Variants in TMEM229B observed in about 807,000 individuals in gnomAD.
TMEM229B encodes chromosome 14 open reading frame 83.
In TMEM229B, 6 loss-of-function variants were observed where a neutral mutation model predicts 13.7. The observed-to-expected ratio is 0.44, with a 90% CI of 0.24 to 0.86. The LOEUF (loss-of-function observed/expected upper bound fraction) is 0.86. TMEM229B is among the 40% of genes least tolerant of loss of function. The pLI, the probability that TMEM229B is intolerant of heterozygous loss-of-function variation, is 0.23. For synonymous variants in TMEM229B, 107 were observed against 102.1 expected, an observed-to-expected ratio of 1.05 and a Z score of -0.29; for missense variants, 170 against 236.0, an observed-to-expected ratio of 0.72 and a Z score of 1.83.
intron 2 of TMEM229B, among the ~76,000 whole-genome samples, chr14:67,479,762 G>A (rs572627442): frequency 1.2e-4 from 19 of 152,290 alleles, no homozygotes; most frequent in South Asian, 8.3e-4. Flanking sequence ...TGTATTCACC[G>A]TATTCATACC....
chr14:67,486,482 C>T lies in TMEM229B; in HGVS notation c.-19+518G>A, dbSNP rs796246695. Among the ~76,000 whole-genome samples the T allele has an allele frequency of 6.6e-5, 10 of 152,298 alleles. No homozygotes were observed. In the South Asian group the frequency reaches 1.9e-3, roughly 28 times the overall value. ...TACAGATGGGGTTTCACCATGTTGG[C>T]CAGGATGGTCTCAATCTGTTGACCT... On this transcript the variant is annotated intron_variant, in intron 2 of 2. Transcript: ENST00000554480.
intron 2 of TMEM229B, among the ~76,000 whole-genome samples, chr14:67,477,839 C>G (rs570719954): frequency 6.6e-6 from 1 of 152,166 alleles, no homozygotes; most frequent in African/African-American, 2.4e-5. Flanking sequence ...ACCCCCACCC[C>G]AATTAATGGC....
At chr14:67,524,762 G>A (rs2033342397) in intron 1 of TMEM229B, among the ~76,000 whole-genome samples, 1 of 152,188 alleles carries the variant, frequency 6.6e-6, no homozygotes, top group Admixed American at 6.5e-5. Flanking sequence ...TGCTGTTGTG[G>A]TCACAGTGTA....
chr14:67,521,963 T>A (rs1055958457), intron 1 of TMEM229B, among the ~76,000 whole-genome samples: 1 of 151,884 alleles, frequency 6.6e-6, no homozygotes, highest in Admixed American at 6.6e-5. Flanking sequence ...GATCACGAGG[T>A]CAAGAGTTCA....
intron 1 of TMEM229B, among the ~76,000 whole-genome samples, chr14:67,503,946 C>A (rs2032714883): frequency 6.6e-6 from 1 of 152,034 alleles, no homozygotes; most frequent in Non-Finnish European, 1.5e-5. Flanking sequence ...TCGTGATCTG[C>A]CTGCCTCAGC....
upstream of TMEM229B, among the ~76,000 whole-genome samples, chr14:67,519,113 C>T (rs2033251756): frequency 6.6e-6 from 1 of 152,074 alleles, no homozygotes; most frequent in Non-Finnish European, 1.5e-5. Context: ...AATATGCCAG[C>T]ATTTGAAAAT....
chr14:67,474,188 G>T (rs373613669), intron 2 of TMEM229B, among the ~76,000 whole-genome samples: 44 of 152,114 alleles, frequency 2.9e-4, no homozygotes, highest in Admixed American at 7.2e-4. Flanking sequence ...CAAGGCAGAG[G>T]TTGGAGTGAG....
intron 1 of TMEM229B, among the ~76,000 whole-genome samples, chr14:67,504,044 C>G (rs1427350812): frequency 1.7e-5 from 2 of 116,934 alleles, no homozygotes; most frequent in Non-Finnish European, 3.6e-5. Context: ...GACAGGATCT[C>G]GCTCTGTCAC....
chr14:67,513,517 C>A (rs557494844), intron 1 of TMEM229B, among the ~76,000 whole-genome samples: 1 of 152,224 alleles, frequency 6.6e-6, no homozygotes, highest in Non-Finnish European at 1.5e-5. Context: ...GTTGTCCCCA[C>A]CCAACGCCTG....
chr14:67,516,205 C>T (rs1322716693), upstream of TMEM229B, among the ~76,000 whole-genome samples: 1 of 152,176 alleles, frequency 6.6e-6, no homozygotes, highest in Non-Finnish European at 1.5e-5. Flanking sequence ...ATTCGCACGC[C>T]AAGCCTAGGT....
exon 1 of TMEM229B, chr14:67,515,407 CCGGCGGCGGCGG>C (rs552146261): frequency 1.2e-4 from 22 of 178,880 alleles, no homozygotes; most frequent in Middle Eastern, 2.6e-3. Context: ...AAAGGAGCCC[CCGGCGGCGGCGG>C]CGGCGGCGGC....
At chr14:67,490,027 C>G (rs1369605406), upstream of TMEM229B, among the ~76,000 whole-genome samples, 1 of 152,164 alleles carries the variant, frequency 6.6e-6, no homozygotes, top group Non-Finnish European at 1.5e-5. Flanking sequence ...TGTCTGTTTC[C>G]CCCACCACGC....
At chr14:67,475,161 C>A (rs866364114) in intron 2 of TMEM229B, among the ~76,000 whole-genome samples, 1 of 152,198 alleles carries the variant, frequency 6.6e-6, no homozygotes, top group African/African-American at 2.4e-5. Context: ...GTGATCCGCC[C>A]GCCTTGGCCT....
chr14:67,532,069 C>G (rs751393500), intron 1 of TMEM229B, among the ~76,000 whole-genome samples: 2 of 152,158 alleles, frequency 1.3e-5, no homozygotes, highest in Non-Finnish European at 2.9e-5. Context: ...CCAATCCCCA[C>G]GAGCTATAAA....
At chr14:67,494,553 A>G (rs1426578104) in intron 1 of TMEM229B, among the ~76,000 whole-genome samples, 1 of 152,244 alleles carries the variant, frequency 6.6e-6, no homozygotes, top group East Asian at 1.9e-4. Flanking sequence ...TGGAGCAGCC[A>G]GGCCAATCGG....
intron 2 of TMEM229B, among the ~76,000 whole-genome samples, chr14:67,475,511 A>G (rs114206181): frequency 0.014 from 2,128 of 152,272 alleles, 49 homozygotes; most frequent in African/African-American, 0.049. Flanking sequence ...CCCATCAGCA[A>G]TGTACAAGGG....
chr14:67,509,220 C>T (rs2032943717), intron 1 of TMEM229B, among the ~76,000 whole-genome samples: 1 of 152,202 alleles, frequency 6.6e-6, no homozygotes, highest in Non-Finnish European at 1.5e-5. Flanking sequence ...CTGCAGGGTA[C>T]AGACCTCTCC....
At position 67,473,668 on chromosome 14, in the gene TMEM229B, G is replaced by T; in HGVS notation, c.256C>A (p.Leu86Met). 6.3e-7 allele frequency: 1 copy of T among 1,580,942 alleles called. No homozygotes were observed. Among genetic ancestry groups the T allele is most frequent in the South Asian group, 1.1e-5 (1 of 87,154 alleles). The change falls in exon 3 of 3, where the codon CTG becomes ATG. Residue 86 changes from leucine to methionine, a missense_variant. By Grantham distance (15) the Leu-to-Met change is conservative. Transcript: ENST00000554480. This position sits in a 1 kb window ranked among gnomAD's most constrained non-coding sequence, Gnocchi z 6.5. ...ATGAAGCCGGTGGTGAACTCCCACA[G>T]GTAGGTCCAGAGCGTGTAGATGAGG... ...RCLIYTLWTY[L>M]WEFTTGFILR...
chr14:67,504,756 G>A (rs924519317), intron 1 of TMEM229B, among the ~76,000 whole-genome samples: 1 of 152,064 alleles, frequency 6.6e-6, no homozygotes, highest in Non-Finnish European at 1.5e-5. Context: ...GTGGTGGCGG[G>A]TGCCCATAAT....
Sources: allele counts gnomAD v4.1 joint callset (sites outside exome capture counted in the v4.1 genomes callset), GRCh38; gene constraint gnomAD v4.1.1; non-coding constraint Gnocchi (gnomAD v3.1); transcripts MANE v1.5; gene names NCBI Gene and HGNC (gene_info 2026-07-23, HGNC 2026-07-21).